DIAPH2: variants seen among roughly 807,000 people sequenced by gnomAD.
The protein encoded by DIAPH2 is protein diaphanous homolog 2.
Under a neutral mutation model 92.7 loss-of-function variants are expected in DIAPH2, and 35 were observed. The observed-to-expected ratio is 0.38, with a 90% CI of 0.29 to 0.50. The LOEUF (loss-of-function observed/expected upper bound fraction) is 0.50, where lower values mean the gene tolerates loss of function less well. DIAPH2 is among the 20% of genes least tolerant of loss of function. The pLI is 0.94. For missense variants in DIAPH2, 701 were observed against 819.5 expected, an observed-to-expected ratio of 0.86 and a Z score of 1.77; for synonymous variants, 301 against 280.4, an observed-to-expected ratio of 1.07 and a Z score of -0.73.
At chrX:96,692,668 G>A (rs1237779052) in intron 1 of DIAPH2, among the ~76,000 whole-genome samples, 4 of 112,198 alleles carry the variant, frequency 3.6e-5, no homozygotes, top group African/African-American at 1.3e-4. Context: ...TTACTCACTG[G>A]TTGGGCAATC....
chrX:97,604,583 A>ACTT lies in DIAPH2; in HGVS notation c.*5267_*5269dup, dbSNP rs2071610480. On this transcript the variant is annotated 3_prime_UTR_variant, in exon 27 of 27. Transcript: ENST00000324765. ...CAGGCTATTCTAAATTTTGGTTGAT[A>ACTT]CTTTTGCTACTATGGGCAATTAACT... 8.9e-6 allele frequency: 1 copy of ACTT among 112,115 alleles called. No homozygotes were observed. Among genetic ancestry groups the ACTT allele is most frequent in the Admixed American group, 9.5e-5 (1 of 10,541 alleles). 9.2% of individuals were successfully genotyped at this position (112,115 alleles called of 1,213,427 possible).
At chrX:97,595,783 C>T (rs956809575) in intron 26 of DIAPH2, among the ~76,000 whole-genome samples, 2 of 111,129 alleles carry the variant, frequency 1.8e-5, no homozygotes, top group Non-Finnish European at 3.8e-5. Context: ...CAGGCATGCG[C>T]CACCATGCCC....
chrX:96,944,284 G>A (rs368517312), intron 13 of DIAPH2, among the ~76,000 whole-genome samples: 1 of 111,572 alleles, frequency 9.0e-6, no homozygotes. Context: ...GCTTAGATTC[G>A]GCTGTTCTTT....
At chrX:97,085,656 A>G (rs1314822220) in intron 19 of DIAPH2, among the ~76,000 whole-genome samples, 1 of 111,189 alleles carries the variant, frequency 9.0e-6, no homozygotes, top group Non-Finnish European at 1.9e-5. Flanking sequence ...ACCTCAGGTG[A>G]TCCGCCTGCC....
chrX:97,534,781 C>CA (rs1307638022), intron 26 of DIAPH2, among the ~76,000 whole-genome samples: 1 of 111,115 alleles, frequency 9.0e-6, no homozygotes, highest in Non-Finnish European at 1.9e-5. Flanking sequence ...TTTGGATAAA[C>CA]AAAAATGATG....
intron 22 of DIAPH2, among the ~76,000 whole-genome samples, chrX:97,244,461 T>C (rs773556305): frequency 2.7e-5 from 3 of 111,941 alleles, no homozygotes; most frequent in Non-Finnish European, 5.6e-5. Context: ...AAAAATAACT[T>C]TTCCTTTTCC....
intron 23 of DIAPH2, among the ~76,000 whole-genome samples, chrX:97,321,099 C>T (rs1275392349): frequency 9.0e-6 from 1 of 111,316 alleles, no homozygotes; most frequent in Non-Finnish European, 1.9e-5. Context: ...TCTTTAATAG[C>T]TGGAGACGGA....
chrX:97,321,453 T>A (rs776713083), intron 23 of DIAPH2, among the ~76,000 whole-genome samples: 1 of 110,615 alleles, frequency 9.0e-6, no homozygotes, highest in South Asian at 3.9e-4. Context: ...TAAATGAATT[T>A]ACATGTCATT....
chrX:96,756,081 G>T (rs1313041373), intron 3 of DIAPH2, among the ~76,000 whole-genome samples: 1 of 111,457 alleles, frequency 9.0e-6, no homozygotes, highest in Non-Finnish European at 1.9e-5. Flanking sequence ...GCCCAGGCTG[G>T]TCTCAAACTC....
intron 4 of DIAPH2, among the ~76,000 whole-genome samples, chrX:96,759,918 T>C (rs1175394016): frequency 9.0e-6 from 1 of 111,713 alleles, no homozygotes; most frequent in Non-Finnish European, 1.9e-5. Flanking sequence ...CAGATTAAAA[T>C]GCAAAAAATT....
chrX:97,376,613 G>A (rs1365253940), intron 24 of DIAPH2, among the ~76,000 whole-genome samples: 3 of 112,010 alleles, frequency 2.7e-5, no homozygotes, highest in Non-Finnish European at 5.6e-5. Flanking sequence ...TGTTTTATGT[G>A]CCAGGCACTG....
intron 23 of DIAPH2, among the ~76,000 whole-genome samples, chrX:97,308,742 T>A (rs919461254): frequency 9.8e-6 from 1 of 102,093 alleles, no homozygotes; most frequent in South Asian, 5.2e-4. Context: ...TGCCTCAGCC[T>A]CCCAAGTAGC....
At position 97,141,662 on chromosome X, in the gene DIAPH2, C is replaced by T. The variant is rs766199323; in HGVS notation, c.2590-3C>T. ...TAAAAAATGTGTTGTTGTTTTCTCC[C>T]AGATCAGAGATACTAAATCAGCGGA... On this transcript the variant is annotated splice_polypyrimidine_tract_variant and splice_region_variant and intron_variant, in intron 21 of 26. Transcript: ENST00000324765. 5 of 1,181,523 alleles carry T rather than the reference C, an allele frequency of 4.2e-6. No homozygotes were observed. Among genetic ancestry groups the T allele is most frequent in the Non-Finnish European group, 5.6e-6 (5 of 885,169 alleles).
chrX:97,234,621 T>A (rs2068034645), intron 22 of DIAPH2, among the ~76,000 whole-genome samples: 1 of 112,315 alleles, frequency 8.9e-6, no homozygotes, highest in African/African-American at 3.2e-5. Context: ...AGGCAATATG[T>A]AAACGATGGA....
intron 21 of DIAPH2, among the ~76,000 whole-genome samples, chrX:97,130,117 G>A (rs957491236): frequency 1.8e-5 from 2 of 112,224 alleles, no homozygotes; most frequent in African/African-American, 3.2e-5. Flanking sequence ...ACAAGTGTTG[G>A]CAAGGATGTG....
chrX:97,329,528 A>G (rs12559933), intron 23 of DIAPH2, among the ~76,000 whole-genome samples: 47,374 of 110,258 alleles, frequency 0.43, 8,820 homozygotes, highest in Non-Finnish European at 0.59. Flanking sequence ...TAAACTGGAC[A>G]CTGGTGTATA....
rs182037135 is a variant in DIAPH2, at chrX:96,883,271, T to A, written c.587+1553T>A. Reference sequence around the variant, plus strand: ...ATTACAATTTTAAAACAACAAAAAATTTTTTAAAAGCCAGTGTTAAGATGT... The same window carrying A: ...ATTACAATTTTAAAACAACAAAAAAATTTTTAAAAGCCAGTGTTAAGATGT... On this transcript the variant is annotated intron_variant, in intron 5 of 26. Coordinates refer to ENST00000324765, the MANE Select transcript of DIAPH2 (RefSeq NM_006729.5). Among the ~76,000 whole-genome samples, 96 of 111,707 alleles carry A rather than the reference T, an allele frequency of 8.6e-4. No individual in the cohort carries two copies. The East Asian group carries it at 0.017, about 20-fold the overall frequency.
intron 19 of DIAPH2, among the ~76,000 whole-genome samples, chrX:97,099,223 C>A (rs919419370): frequency 9.1e-6 from 1 of 110,298 alleles, no homozygotes; most frequent in South Asian, 3.9e-4. Flanking sequence ...AAAATTAGCC[C>A]GGCATGGTGG....
intron 21 of DIAPH2, among the ~76,000 whole-genome samples, chrX:97,126,317 T>G: frequency 1.8e-5 from 2 of 111,991 alleles, no homozygotes; most frequent in Non-Finnish European, 3.8e-5. Context: ...AGTGAAGGCA[T>G]TGCACAACCT....
Sources: allele counts gnomAD v4.1 joint callset (sites outside exome capture counted in the v4.1 genomes callset), GRCh38; gene constraint gnomAD v4.1.1; transcripts MANE v1.5; gene names NCBI Gene and HGNC (gene_info 2026-07-23, HGNC 2026-07-21).